The following STK32B variants were observed in gnomAD, a reference collection of about 807,000 sequenced individuals.
STK32B encodes serine/threonine kinase 32B.
STK32B carries 43 observed loss-of-function variants against 52.6 expected under a neutral mutation model. The observed-to-expected ratio is 0.82, with a 90% CI of 0.64 to 1.05. The LOEUF (loss-of-function observed/expected upper bound fraction) is 1.05. Ranked by LOEUF, STK32B falls within the 50% of genes least tolerant of loss-of-function variation. The pLI, the probability that STK32B is intolerant of heterozygous loss-of-function variation, is 0.00. For synonymous variants in STK32B, 238 were observed against 204.3 expected (o/e 1.17, Z -1.41); for missense variants, 621 against 534.6 (o/e 1.16, Z -1.59).
chr4:5,244,826 C>T (rs1455831583), intron 3 of STK32B, among the ~76,000 whole-genome samples: 2 of 152,132 alleles, frequency 1.3e-5, no homozygotes, highest in African/African-American at 4.8e-5. Flanking sequence ...GCCTTCATTT[C>T]ATTATGTACC....
chr4:5,284,573 G>A (rs894960419), intron 3 of STK32B, among the ~76,000 whole-genome samples: 5 of 152,012 alleles, frequency 3.3e-5, no homozygotes, highest in African/African-American at 1.2e-4. Context: ...GACCGTACAC[G>A]GGGACATTCA....
intron 3 of STK32B, among the ~76,000 whole-genome samples, chr4:5,257,223 G>T (rs1419298159): frequency 6.6e-6 from 1 of 151,722 alleles, no homozygotes; most frequent in African/African-American, 2.4e-5. Context: ...AAGTGATTAT[G>T]TGAGTGAATG....
intron 1 of STK32B, among the ~76,000 whole-genome samples, chr4:5,078,922 C>G (rs1457432358): frequency 1.3e-5 from 2 of 152,092 alleles, no homozygotes; most frequent in Non-Finnish European, 2.9e-5. Flanking sequence ...TCACAACAAC[C>G]CATGAAATTA....
intron 3 of STK32B, among the ~76,000 whole-genome samples, chr4:5,243,685 T>G (rs889832510): frequency 6.6e-6 from 1 of 152,238 alleles, no homozygotes; most frequent in Non-Finnish European, 1.5e-5. Flanking sequence ...TTCCAGTTTT[T>G]GTCCATTCAG....
At chr4:5,201,864 C>T (rs549413362) in intron 3 of STK32B, among the ~76,000 whole-genome samples, 5 of 152,270 alleles carry the variant, frequency 3.3e-5, no homozygotes, top group African/African-American at 7.2e-5. Flanking sequence ...TTTGTCGAAA[C>T]GTGGGGATTA....
chr4:5,464,186 GC>G (rs1393667208), intron 9 of STK32B, among the ~76,000 whole-genome samples: 1 of 152,200 alleles, frequency 6.6e-6, no homozygotes, highest in African/African-American at 2.4e-5. Context: ...ACAGCACCTA[GC>G]CATGAGGGAT....
At chr4:5,099,454 G>GCGCGTGTGCGCGCACA (rs1553823530) in intron 1 of STK32B, among the ~76,000 whole-genome samples, 1 of 129,744 alleles carries the variant, frequency 7.7e-6, no homozygotes, top group African/African-American at 2.6e-5. Context: ...GTGTGTGCGC[G>GCGCGTGTGCGCGCACA]CGCGCGTATG....
Position 5,200,164 on chromosome 4 carries a change from G to A in STK32B, c.260+31714G>A, listed in dbSNP as rs115381685. The stretch of plus-strand genomic sequence containing the variant: ...TCTTACACTCAAAATGTGTGTTATT[G>A]AATCAAGCAATGCCCAATTACTCTT... On this transcript the variant is annotated intron_variant, in intron 3 of 11. Coordinates refer to ENST00000282908, the MANE Select transcript of STK32B (RefSeq NM_018401.3). 6.0e-3 allele frequency among the ~76,000 whole-genome samples: 908 copies of A among 151,820 alleles called. 8 individuals are homozygous for A. The highest frequency in any genetic ancestry group is 0.02 in the African/African-American group (842 of 41,384).
chr4:5,099,628 C>A (rs1713614099), intron 1 of STK32B, among the ~76,000 whole-genome samples: 2 of 151,982 alleles, frequency 1.3e-5, no homozygotes, highest in South Asian at 4.1e-4. Flanking sequence ...ACGAACTGGG[C>A]CTCGAAGGAC....
At chr4:5,207,903 CTTTT>C (rs1420363005) in intron 3 of STK32B, among the ~76,000 whole-genome samples, 2 of 152,144 alleles carry the variant, frequency 1.3e-5, no homozygotes, top group East Asian at 3.9e-4. Context: ...CTTTTCCTCT[CTTTT>C]TAACATCCAC....
intron 4 of STK32B, among the ~76,000 whole-genome samples, chr4:5,355,737 G>C (rs139882853): frequency 6.6e-6 from 1 of 152,110 alleles, no homozygotes; most frequent in African/African-American, 2.4e-5. Flanking sequence ...GCTCCAGAGA[G>C]TGATATCACC....
intron 11 of STK32B, among the ~76,000 whole-genome samples, chr4:5,472,334 T>C (rs1717908875): frequency 6.6e-6 from 1 of 152,230 alleles, no homozygotes; most frequent in Non-Finnish European, 1.5e-5. Context: ...GGCTAACCTC[T>C]CTGGACCTTT....
At chr4:5,430,187 C>T (rs892631935) in intron 6 of STK32B, among the ~76,000 whole-genome samples, 1 of 152,132 alleles carries the variant, frequency 6.6e-6, no homozygotes, top group East Asian at 1.9e-4. Context: ...GACCCATTCT[C>T]TCTCTACTCT....
chr4:5,152,767 T>C (rs1223414460), intron 2 of STK32B, among the ~76,000 whole-genome samples: 1 of 152,250 alleles, frequency 6.6e-6, no homozygotes, highest in Non-Finnish European at 1.5e-5. Context: ...GGTGTGTGGA[T>C]GTGATGAGAG....
intron 3 of STK32B, among the ~76,000 whole-genome samples, chr4:5,253,654 C>T (rs763478851): frequency 2.0e-4 from 31 of 151,900 alleles, no homozygotes; most frequent in Middle Eastern, 3.2e-3. Context: ...GGATTACAGG[C>T]GTGAGACACT....
the STK32B span, among the ~76,000 whole-genome samples, chr4:5,041,636 A>T: frequency 3.3e-5 from 5 of 151,594 alleles, no homozygotes; most frequent in Non-Finnish European, 7.4e-5. Flanking sequence ...TGAGCACTCA[A>T]CGCACACACA....
intron 4 of STK32B, among the ~76,000 whole-genome samples, chr4:5,392,140 T>A (rs16837102): frequency 0.048 from 7,234 of 152,280 alleles, 451 homozygotes; most frequent in Admixed American, 0.18. Flanking sequence ...CATAATTTTT[T>A]AAAATCAAAT....
chr4:5,327,049 T>C (rs1300835118), intron 3 of STK32B, among the ~76,000 whole-genome samples: 1 of 152,110 alleles, frequency 6.6e-6, no homozygotes, highest in Non-Finnish European at 1.5e-5. Context: ...AAGAAGCTCG[T>C]TTCTTCCTTA....
intron 1 of STK32B, among the ~76,000 whole-genome samples, chr4:5,053,770 G>A (rs978927510): frequency 1.3e-5 from 2 of 151,970 alleles, no homozygotes; most frequent in Non-Finnish European, 2.9e-5. Context: ...ATCACCTGAG[G>A]TCAGGAGAGG....
Sources: allele counts gnomAD v4.1 joint callset (sites outside exome capture counted in the v4.1 genomes callset), GRCh38; gene constraint gnomAD v4.1.1; transcripts MANE v1.5; gene names NCBI Gene and HGNC (gene_info 2026-07-23, HGNC 2026-07-21).